CA10: variants seen among roughly 807,000 people sequenced by gnomAD.
CA10 encodes the protein carbonic anhydrase-related protein 10.
CA10 carries 14 observed loss-of-function variants against 44.2 expected under a neutral mutation model. The observed-to-expected ratio is 0.32, with a 90% CI of 0.21 to 0.50. The LOEUF (loss-of-function observed/expected upper bound fraction) is 0.50. Ranked by LOEUF, CA10 falls within the 20% of genes least tolerant of loss-of-function variation. The pLI, the probability that CA10 is intolerant of heterozygous loss-of-function variation, is 0.99. For missense variants in CA10, 350 were observed against 409.7 expected (o/e 0.85, Z 1.26); for synonymous variants, 159 against 141.6 (o/e 1.12, Z -0.87).
chr17:51,924,001 C>T (rs569964339), intron 3 of CA10, among the ~76,000 whole-genome samples: 15 of 152,160 alleles, frequency 9.9e-5, no homozygotes, highest in South Asian at 4.1e-4. Flanking sequence ...GGGCTAATAT[C>T]TATAGTATAT....
chr17:51,862,092 T>C (rs1341156833), intron 3 of CA10, among the ~76,000 whole-genome samples: 1 of 152,196 alleles, frequency 6.6e-6, no homozygotes, highest in Non-Finnish European at 1.5e-5. Context: ...GCCATTAATG[T>C]TTGCCTTAAT....
chr17:52,053,522 G>C (rs1474435910), intron 2 of CA10, among the ~76,000 whole-genome samples: 1 of 151,994 alleles, frequency 6.6e-6, no homozygotes, highest in African/African-American at 2.4e-5. Flanking sequence ...AAAATGAAAA[G>C]TTTTTGGAAA....
At chr17:51,795,570 A>G (rs1045269200) in intron 3 of CA10, among the ~76,000 whole-genome samples, 4 of 152,248 alleles carry the variant, frequency 2.6e-5, no homozygotes, top group African/African-American at 9.6e-5. Flanking sequence ...AGTGGCTACA[A>G]GAATTGTGGG....
chr17:52,099,053 G>C (rs1988474116), intron 1 of CA10, among the ~76,000 whole-genome samples: 1 of 152,142 alleles, frequency 6.6e-6, no homozygotes, highest in Non-Finnish European at 1.5e-5. Context: ...ATAATAGCAA[G>C]AGGTGAGGGT....
chr17:51,678,111 T>C (rs1567799960), intron 4 of CA10, among the ~76,000 whole-genome samples: 1 of 152,138 alleles, frequency 6.6e-6, no homozygotes, highest in Non-Finnish European at 1.5e-5. Context: ...CTTGGAAACA[T>C]GCTATGTGAA....
intron 2 of CA10, among the ~76,000 whole-genome samples, chr17:51,996,447 G>A (rs1308900334): frequency 6.6e-6 from 1 of 151,940 alleles, no homozygotes; most frequent in Non-Finnish European, 1.5e-5. Context: ...TTTAAGCGGT[G>A]CTGGTTCAAA....
intron 4 of CA10, among the ~76,000 whole-genome samples, chr17:51,674,630 C>G (rs1914548717): frequency 6.6e-6 from 1 of 152,226 alleles, no homozygotes. Context: ...CATACATCTA[C>G]CTGTCATTCT....
At position 52,027,747 on chromosome 17, in the gene CA10, A is replaced by T. The variant is rs188133005; in HGVS notation, c.136+44572T>A. Among the ~76,000 whole-genome samples, 182 of 151,972 alleles carry T rather than the reference A, an allele frequency of 1.2e-3. 4 individuals carry two copies. In the South Asian group the frequency reaches 0.022, roughly 18 times the overall value. ...AGAGCTAATTTTTCTTAGGAAAGAA[A>T]CTCTTTCCAGAAGTGAGGCAGATAC... is the stretch of plus-strand genomic sequence containing the variant. On this transcript the variant is annotated intron_variant, in intron 2 of 8. Transcript: ENST00000451037.
At chr17:51,961,280 T>C (rs1305189006) in intron 2 of CA10, among the ~76,000 whole-genome samples, 4 of 151,976 alleles carry the variant, frequency 2.6e-5, no homozygotes, top group South Asian at 4.2e-4. Context: ...ATTTCTGTAA[T>C]GCATTTAAAG....
intron 1 of CA10, among the ~76,000 whole-genome samples, chr17:52,144,864 AT>A (rs1010842902): frequency 1.7e-4 from 26 of 152,060 alleles, no homozygotes; most frequent in African/African-American, 6.3e-4. Context: ...ACCAGGCTCC[AT>A]TTTTTTTATT....
intron 5 of CA10, among the ~76,000 whole-genome samples, chr17:51,653,153 G>A (rs572945981): frequency 1.3e-5 from 2 of 152,284 alleles, no homozygotes; most frequent in East Asian, 1.9e-4. Context: ...ACGGGAGAGC[G>A]AGAGAGAAAG....
intron 3 of CA10, among the ~76,000 whole-genome samples, chr17:51,818,028 T>C (rs1907630403): frequency 6.6e-6 from 1 of 152,222 alleles, no homozygotes; most frequent in South Asian, 2.1e-4. Flanking sequence ...ACTGCCTTTG[T>C]GTAGTGTATG....
intron 2 of CA10, among the ~76,000 whole-genome samples, chr17:52,059,863 A>G (rs986126048): frequency 6.6e-6 from 1 of 152,152 alleles, no homozygotes; most frequent in African/African-American, 2.4e-5. Context: ...TTTACATACA[A>G]TTTTGTAGCA....
At chr17:51,746,276 G>A (rs1453832859) in intron 4 of CA10, among the ~76,000 whole-genome samples, 2 of 152,168 alleles carry the variant, frequency 1.3e-5, no homozygotes, top group South Asian at 2.1e-4. Context: ...TGTCATTGTT[G>A]TTTATCAATC....
Position 51,803,342 on chromosome 17 carries a change from A to C in CA10, c.280-55524T>G, listed in dbSNP as rs563774922. ...GCCTTTACTGTCCCAAAGTAGCAGC[A>C]GGACTGGACAGCTCTGCCCACAGCA... On this transcript the variant is annotated intron_variant, in intron 3 of 8. Transcript: ENST00000451037. 7.9e-5 allele frequency among the ~76,000 whole-genome samples: 12 copies of C among 152,278 alleles called. No individual in the cohort carries two copies. In the East Asian group the frequency reaches 2.1e-3, roughly 27 times the overall value.
intron 2 of CA10, among the ~76,000 whole-genome samples, chr17:52,066,759 A>C (rs1987548377): frequency 6.6e-6 from 1 of 152,196 alleles, no homozygotes; most frequent in Non-Finnish European, 1.5e-5. Flanking sequence ...ACGGGTATAA[A>C]GGTGACTCTT....
chr17:51,784,401 T>C (rs9900059), intron 3 of CA10, among the ~76,000 whole-genome samples: 7,183 of 152,278 alleles, frequency 0.047, 416 homozygotes, highest in African/African-American at 0.14. Flanking sequence ...GGAGGTTTAA[T>C]TTAAAATATG....
In CA10 at chr17:51,874,956, TTTTCTTTTTTTTC is replaced by T. The variant is rs1324556297; in HGVS notation, c.279+56021_279+56033del. Among the ~76,000 whole-genome samples, 15 of 66,850 alleles carry T rather than the reference TTTTCTTTTTTTTC, an allele frequency of 2.2e-4. No individual in the cohort carries two copies. The East Asian group carries it at 2.3e-3, about 10-fold the overall frequency. The allele number at this position is 66,850 out of a possible 152,430, so 43.9% of individuals were successfully genotyped here. Reference sequence around the variant, plus strand: ...AGGAAGATGTTTTTCTTCTGTTTTTTTTTCTTTTTTTTCTTTTCTTTTCTTTTCTTTTCTTTTC... The same window carrying T: ...AGGAAGATGTTTTTCTTCTGTTTTTTTTTTCTTTTCTTTTCTTTTCTTTTC... On this transcript the variant is annotated intron_variant, in intron 3 of 8. Coordinates refer to ENST00000451037, the MANE Select transcript of CA10 (RefSeq NM_020178.5).
At chr17:52,153,099 C>T (rs1315334559) in intron 1 of CA10, among the ~76,000 whole-genome samples, 2 of 152,096 alleles carry the variant, frequency 1.3e-5, no homozygotes, top group Non-Finnish European at 2.9e-5. Flanking sequence ...AGTAATCAAA[C>T]CCCTCTCCCC....
Sources: gnomAD v4.1 joint callset for allele counts (sites outside exome capture counted in the v4.1 genomes callset) on GRCh38, gnomAD v4.1.1 for gene constraint, MANE v1.5 for transcripts, NCBI Gene and HGNC (gene_info 2026-07-23, HGNC 2026-07-21) for gene names.